CTTN: variants seen among roughly 807,000 people sequenced by gnomAD.
CTTN encodes the protein cortactin, also known as src substrate cortactin.
CTTN carries 28 observed loss-of-function variants against 84.0 expected under a neutral mutation model. The observed-to-expected ratio is 0.33, with a 90% CI of 0.25 to 0.46. The LOEUF is 0.46. Ranked by LOEUF, CTTN falls within the 20% of genes least tolerant of loss-of-function variation. The probability of loss-of-function intolerance (pLI) is 1.00; values close to 1 mark genes in which losing one functional copy is unlikely to be tolerated. For synonymous variants in CTTN, 301 were observed against 288.8 expected (o/e 1.04, Z -0.43); for missense variants, 641 against 723.8 (o/e 0.89, Z 1.31).
intron 5 of CTTN, among the ~76,000 whole-genome samples, chr11:70,412,762 T>G (rs1371741536): frequency 1.3e-5 from 2 of 152,170 alleles, no homozygotes; most frequent in Non-Finnish European, 2.9e-5. Flanking sequence ...GTCTACATAT[T>G]CAGGCTTCAA....
intron 2 of CTTN, among the ~76,000 whole-genome samples, chr11:70,405,744 T>G (rs1401438579): frequency 6.6e-6 from 1 of 152,016 alleles, no homozygotes; most frequent in Non-Finnish European, 1.5e-5. Context: ...TCTGCTAATC[T>G]CTCCCCGATG....
chr11:70,436,427 AGGTGCATTT>A lies in CTTN; in HGVS notation c.*1266_*1274del. 1.3e-6 allele frequency: 2 copies of A among 1,596,260 alleles called. No individual in the cohort carries two copies. Among genetic ancestry groups the A allele is most frequent in the East Asian group, 2.2e-5 (1 of 44,840 alleles). ...CCCGTGAAGCGTGTTTTTGCTCCTG[AGGTGCATTT>A]TCTCATCATCCTTGCTTTACCACAA... On this transcript the variant is annotated 3_prime_UTR_variant, in exon 18 of 18. Transcript: ENST00000301843.
intron 13 of CTTN, among the ~76,000 whole-genome samples, chr11:70,427,221 A>G (rs759498298): frequency 8.3e-4 from 127 of 152,168 alleles, no homozygotes; most frequent in Admixed American, 2.0e-3. Context: ...ATGGTGGTCC[A>G]CGCCTGTAAT....
chr11:70,419,766 G>A lies in CTTN; in HGVS notation c.589G>A (p.Gly197Ser), dbSNP rs759651425. Residue 197 changes from glycine to serine, a missense_variant, in exon 9 of 18, where the codon GGC (glycine) becomes AGC (serine). Transcript: ENST00000301843. Reference sequence around the variant, plus strand: ...TTTAGATTACTCCAAAGGTTTCGGCGGCAAATACGGTATCGACAAGGACAA... The same window carrying A: ...TTTAGATTACTCCAAAGGTTTCGGCAGCAAATACGGTATCGACAAGGACAA... ...SQRDYSKGFG[G>S]KYGIDKDKVD... is the part of the protein sequence containing the mutation. 9.9e-6 allele frequency: 16 copies of A among 1,610,248 alleles called. No homozygotes were observed. Among genetic ancestry groups the A allele is most frequent in the East Asian group, 2.2e-5 (1 of 44,858 alleles).
At chr11:70,415,259 A>G (rs576681918) in intron 6 of CTTN, among the ~76,000 whole-genome samples, 2 of 152,352 alleles carry the variant, frequency 1.3e-5, no homozygotes, top group Non-Finnish European at 1.5e-5. Flanking sequence ...GTTTGCTCAG[A>G]TGCCCATCGC....
intron 16 of CTTN, 29 bp from the exon 17 acceptor site, chr11:70,433,618 T>A: frequency 6.6e-7 from 1 of 1,518,400 alleles, no homozygotes; most frequent in African/African-American, 1.4e-5. Context: ...GACTTTGTAT[T>A]GTTCAGCTCT....
At chr11:70,423,091 G>C (rs2058259502) in intron 12 of CTTN, 96 bp downstream of exon 12, 1 of 1,435,198 alleles carries the variant, frequency 7.0e-7, no homozygotes, top group Non-Finnish European at 9.7e-7. Context: ...GCGCTGGGGT[G>C]GGGCACAAGT....
chr11:70,417,791 C>T (rs2058181727), intron 8 of CTTN, among the ~76,000 whole-genome samples: 1 of 152,216 alleles, frequency 6.6e-6, no homozygotes, highest in South Asian at 2.1e-4. Flanking sequence ...CCACTGCGCC[C>T]AGCTGAAACT....
chr11:70,416,811 C>A, intron 7 of CTTN: 1 of 558,158 alleles, frequency 1.8e-6, no homozygotes. Flanking sequence ...GCTGACAGGG[C>A]CCAGAACCCC....
rs183695190 is a variant in CTTN, at chr11:70,436,187, A to G, written c.*1025A>G. ...GTAGTTTGATCAGTTGAAGGCTAGA[A>G]GTGTGAAGTGCAGATGAGTGTGTGT... On this transcript the variant is annotated 3_prime_UTR_variant, in exon 18 of 18. Transcript: ENST00000301843. 9 of 1,523,282 alleles carry G rather than the reference A, an allele frequency of 5.9e-6. No individual in the cohort carries two copies. The highest frequency in any genetic ancestry group is 1.4e-5 in the African/African-American group (1 of 72,420). 94.4% of individuals were successfully genotyped at this position (1,523,282 alleles called of 1,614,324 possible).
intron 2 of CTTN, among the ~76,000 whole-genome samples, chr11:70,405,838 G>T (rs2058035937): frequency 6.6e-6 from 1 of 152,216 alleles, no homozygotes; most frequent in South Asian, 2.1e-4. Context: ...GCCCTGCAGG[G>T]ACTCCCATCC....
In CTTN at chr11:70,420,209, G is replaced by C. The variant is rs866797163; in HGVS notation, c.680-191G>C. ...GCTTAGTCACGATGCTGAGGTCATA[G>C]ACTAGGTTATTTCCTGCCACTCTCC... On this transcript the variant is annotated intron_variant, in intron 9 of 17. Coordinates refer to ENST00000301843, the MANE Select transcript of CTTN (RefSeq NM_005231.4). 3 of 614,208 alleles carry C rather than the reference G, an allele frequency of 4.9e-6. No homozygotes were observed. The South Asian group carries it at 6.0e-5, about 12-fold the overall frequency. The allele number at this position is 614,208 out of a possible 1,614,324, so 38.0% of individuals were successfully genotyped here.
intron 11 of CTTN, 97 bp downstream of exon 11, chr11:70,421,677 G>GGAGGACTGTGT: frequency 1.3e-6 from 1 of 791,316 alleles, no homozygotes; most frequent in Non-Finnish European, 2.2e-6. Flanking sequence ...CTGCAACACA[G>GGAGGACTGTGT]TCCTCCTGTG....
chr11:70,433,282 C>G lies in CTTN; in HGVS notation c.1444+4C>G, dbSNP rs1158577271. On this transcript the variant is annotated splice_donor_region_variant and intron_variant, in intron 16 of 17. Transcript: ENST00000301843. Reference sequence around the variant, plus strand: ...GCCCCGGGCCACTATCCCGCAGGTACTGGGGCCCCACGCTGCAGCGCCCTG... The same window carrying G: ...GCCCCGGGCCACTATCCCGCAGGTAGTGGGGCCCCACGCTGCAGCGCCCTG... 1.6e-5 allele frequency: 26 copies of G among 1,604,948 alleles called. No homozygotes were observed. The highest frequency in any genetic ancestry group is 2.1e-5 in the Non-Finnish European group (25 of 1,176,326).
intron 17 of CTTN, among the ~76,000 whole-genome samples, chr11:70,433,999 G>A (rs188600031): frequency 2.6e-5 from 4 of 152,272 alleles, no homozygotes; most frequent in Admixed American, 2.6e-4. Context: ...AAAGACTCCA[G>A]CGTGTTTCCC....
rs1346026924 is a variant in CTTN at position 70,435,241 on chromosome 11, T to C, written c.*79T>C. The C allele has an allele frequency of 7.0e-7, 1 of 1,420,538 alleles. No homozygotes were observed. The highest frequency in any genetic ancestry group is 1.5e-5 in the African/African-American group (1 of 66,992). The allele number at this position is 1,420,538 out of a possible 1,614,324, so 88.0% of individuals were successfully genotyped here. A position where few individuals can be genotyped will look rare whatever the true frequency, so the allele number is the denominator to read the frequency against. On this transcript the variant is annotated 3_prime_UTR_variant, in exon 18 of 18. Transcript: ENST00000301843. ...GCCTTCTTTGGTTCTTGGGTGGTTT[T>C]GGGTTTTTTCTGTTTTTTTTTTTTT...
chr11:70,409,722 A>G (rs1195808573), intron 4 of CTTN, 109 bp from the exon 5 acceptor site: 9 of 1,242,730 alleles, frequency 7.2e-6, no homozygotes, highest in African/African-American at 3.0e-5. Context: ...AGATAAGCAG[A>G]TTTACAAATT....
chr11:70,416,975 C>G (rs747232917), intron 7 of CTTN, 38 bp from the exon 8 acceptor site: 1 of 1,460,942 alleles, frequency 6.8e-7, no homozygotes, highest in Admixed American at 1.7e-5. Flanking sequence ...GTAGTTCGTC[C>G]TCAGGCCCCC....
chr11:70,423,990 G>A (rs1340622623), intron 12 of CTTN, among the ~76,000 whole-genome samples: 2 of 152,150 alleles, frequency 1.3e-5, no homozygotes, highest in Non-Finnish European at 2.9e-5. Context: ...GGTGTTTGGC[G>A]CCAAGGGACG....
Sources: allele counts gnomAD v4.1 joint callset (sites outside exome capture counted in the v4.1 genomes callset), GRCh38; gene constraint gnomAD v4.1.1; transcripts MANE v1.5; gene names NCBI Gene and HGNC (gene_info 2026-07-23, HGNC 2026-07-21).